Variants in FLOT2 observed in about 807,000 individuals in gnomAD.
The protein encoded by FLOT2 is flotillin-2.
FLOT2 carries 35 observed loss-of-function variants against 54.9 expected under a neutral mutation model. The observed-to-expected ratio is 0.64, with a 90% confidence interval of 0.49 to 0.84. The LOEUF is 0.84. Ranked by LOEUF, FLOT2 falls within the 40% of genes least tolerant of loss-of-function variation. FLOT2 has a pLI of 0.00. For missense variants in FLOT2, 464 were observed against 572.1 expected (o/e 0.81, Z 1.93); for synonymous variants, 207 against 228.9 (o/e 0.90, Z 0.86).
At position 28,880,307 on chromosome 17, in the gene FLOT2, GAA is replaced by G; in HGVS notation, c.*252_*253del. ...GGGGGAAAGAAAAAGACAGACAAAG[GAA>G]AAGACACGCAGGGAGATGAGACACA... On this transcript the variant is annotated 3_prime_UTR_variant, in exon 11 of 11. Coordinates refer to ENST00000394908, the MANE Select transcript of FLOT2 (RefSeq NM_004475.3). The G allele has an allele frequency of 7.3e-7, 1 of 1,368,910 alleles. No individual in the cohort carries two copies. The highest frequency in any genetic ancestry group is 9.4e-7 in the Non-Finnish European group (1 of 1,062,246). 84.8% of individuals were successfully genotyped at this position (1,368,910 alleles called of 1,614,324 possible).
At position 28,883,991 on chromosome 17, in the gene FLOT2, C is replaced by T. The variant is rs939596168; in HGVS notation, c.222+234G>A. The stretch of plus-strand genomic sequence containing the variant: ...AGCCCTCAGCACTGGTTCTGTCCCT[C>T]GTGGGCCCGCTGAGGAGAGAAGGGG... On this transcript the variant is annotated intron_variant, in intron 3 of 10. Coordinates refer to ENST00000394908, the MANE Select transcript of FLOT2 (RefSeq NM_004475.3). The surrounding 1 kb of genome is among the most constrained non-coding windows in gnomAD (Gnocchi z 5.0). 6.6e-6 allele frequency among the ~76,000 whole-genome samples: 1 copy of T among 152,200 alleles called. No homozygotes were observed. The highest frequency in any genetic ancestry group is 2.4e-5 in the African/African-American group (1 of 41,444).
At chr17:28,881,503 G>C in intron 8 of FLOT2, 128 bp from the exon 9 acceptor site, 1 of 1,018,458 alleles carries the variant, frequency 9.8e-7, no homozygotes, top group South Asian at 1.5e-5. Flanking sequence ...TTGGAACGGA[G>C]TGGGGTGGCC....
At chr17:28,880,898 G>C in intron 9 of FLOT2, 36 bp from the exon 10 acceptor site, 1 of 1,611,704 alleles carries the variant, frequency 6.2e-7, no homozygotes, top group Non-Finnish European at 8.5e-7. Flanking sequence ...CCTGGTTGGC[G>C]CTGACTCTGT....
intron 1 of FLOT2, chr17:28,893,130 C>T (rs954261147): frequency 1.3e-5 from 2 of 152,244 alleles, no homozygotes; most frequent in African/African-American, 2.4e-5. Flanking sequence ...TGCCAGCTTC[C>T]TGGTCACTCA....
At position 28,897,618 on chromosome 17, in the gene FLOT2, A is replaced by G. The variant is rs1302132820; in HGVS notation, c.-44T>C. 3 of 1,505,336 alleles carry G rather than the reference A, an allele frequency of 2.0e-6. No individual in the cohort carries two copies. Among genetic ancestry groups the G allele is most frequent in the South Asian group, 1.2e-5 (1 of 80,200 alleles). 93.2% of individuals were successfully genotyped at this position (1,505,336 alleles called of 1,614,324 possible). On this transcript the variant is annotated 5_prime_UTR_variant, in exon 1 of 11. Coordinates refer to ENST00000394908, the MANE Select transcript of FLOT2 (RefSeq NM_004475.3). The surrounding 1 kb of genome is among the most constrained non-coding windows in gnomAD (Gnocchi z 4.4). ...GGCCCTCGGGACCGCACAGACCCGGACAACAGCAGCGGGTCTGCAGCGCCG... is the reference window on the plus strand; with the variant it reads ...GGCCCTCGGGACCGCACAGACCCGGGCAACAGCAGCGGGTCTGCAGCGCCG...
In FLOT2 at chr17:28,880,422, A is replaced by G. The variant is rs921903627; in HGVS notation, c.*139T>C. On this transcript the variant is annotated 3_prime_UTR_variant, in exon 11 of 11. Transcript: ENST00000394908. ...AGGAGAGACAGGAAGACAGCCAGAG[A>G]TGGCCTGAACACGCAGCACTTCTGG... 4.6e-6 allele frequency: 7 copies of G among 1,506,568 alleles called. No homozygotes were observed. The African/African-American group carries it at 8.4e-5, about 18-fold the overall frequency. The allele number at this position is 1,506,568 out of a possible 1,614,324, so 93.3% of individuals were successfully genotyped here.
In FLOT2 at chr17:28,883,198, C is replaced by T. The variant is rs373654878; in HGVS notation, c.256G>A (p.Val86Met). The T allele has an allele frequency of 3.1e-5, 50 of 1,613,930 alleles. No individual in the cohort carries two copies. The highest frequency in any genetic ancestry group is 4.4e-5 in the South Asian group (4 of 91,094). ...KIMTEKELLAVACEQFLGKNV... is the reference protein window; with the variant it reads ...KIMTEKELLAMACEQFLGKNV... ...TTACCCAGAAACTGCTCACAAGCCA[C>T]GGCCAGGAGTTCCTTCTCCGTCATG... Residue 86 changes from valine (V) to methionine (M), a missense_variant, in exon 4 of 11, where the codon GTG becomes ATG. Physicochemically the swap from Val to Met is conservative, Grantham distance 21. Transcript: ENST00000394908. This position sits in a 1 kb window ranked among gnomAD's most constrained non-coding sequence, Gnocchi z 5.0.
Position 28,883,155 on chromosome 17 carries a change from T to C in FLOT2, c.299A>G (p.Lys100Arg), listed in dbSNP as rs1598090524. The change falls in exon 4 of 11, where the codon AAA (lysine) becomes AGA (arginine). Residue 100 changes from lysine (K) to arginine (R), a missense_variant. Coordinates refer to ENST00000394908, the MANE Select transcript of FLOT2 (RefSeq NM_004475.3). This position sits in a 1 kb window ranked among gnomAD's most constrained non-coding sequence, Gnocchi z 5.0. ...CTCCAGGGTCTGCAGGACGACGTTT[T>C]TGATGTCCTGCACATTCTTACCCAG... ...QFLGKNVQDI[K>R]NVVLQTLEGH... 4 of 1,613,956 alleles carry C rather than the reference T, an allele frequency of 2.5e-6. No homozygotes were observed. Among genetic ancestry groups the C allele is most frequent in the Non-Finnish European group, 3.4e-6 (4 of 1,180,002 alleles).
intron 1 of FLOT2, chr17:28,892,637 C>CAAT (rs1274104464): frequency 6.6e-6 from 1 of 151,546 alleles, no homozygotes; most frequent in Admixed American, 6.6e-5. Context: ...CCGTGCCCGG[C>CAAT]CCTAGATGGC....
In FLOT2 at chr17:28,883,280, A is replaced by G. The variant is rs1381810826; in HGVS notation, c.223-49T>C. ...TCAGCTAGGCTGGAGCGAGGCAGAC[A>G]AAGGCCCCAGACCCAGAGGTAGGCA... On this transcript the variant is annotated intron_variant, in intron 3 of 10. Coordinates refer to ENST00000394908, the MANE Select transcript of FLOT2 (RefSeq NM_004475.3). This position sits in a 1 kb window ranked among gnomAD's most constrained non-coding sequence, Gnocchi z 5.0. The G allele has an allele frequency of 1.2e-6, 2 of 1,611,008 alleles. No individual in the cohort carries two copies. Among genetic ancestry groups the G allele is most frequent in the Non-Finnish European group, 1.7e-6 (2 of 1,178,674 alleles).
Position 28,882,815 on chromosome 17 carries a change from G to T in FLOT2, c.347-124C>A. The stretch of plus-strand genomic sequence containing the variant: ...GCACTCTGAGCTGGGTCTTCCTGGG[G>T]TATCTTCTCAACAGCACTTAACACC... On this transcript the variant is annotated intron_variant, in intron 4 of 10. Transcript: ENST00000394908. This position sits in a 1 kb window ranked among gnomAD's most constrained non-coding sequence, Gnocchi z 5.6. The T allele has an allele frequency of 2.8e-6, 2 of 717,636 alleles. No homozygotes were observed. The highest frequency in any genetic ancestry group is 4.8e-6 in the Non-Finnish European group (2 of 413,634). The allele number at this position is 717,636 out of a possible 1,614,324, so 44.5% of individuals were successfully genotyped here. A position where few individuals can be genotyped will look rare whatever the true frequency, so the allele number is the denominator to read the frequency against.
In FLOT2 at chr17:28,884,300, A is replaced by G. The variant is rs2039505906; in HGVS notation, c.147T>C (p.Ile49=). ...ISDTQRISLE[I]MTLQPRCEDV... ...CCTCGCAGCGGGGCTGCAACGTCATAATCTCTAGGGAAATCCTGCCAAGAA... is the reference window on the plus strand; with the variant it reads ...CCTCGCAGCGGGGCTGCAACGTCATGATCTCTAGGGAAATCCTGCCAAGAA... The change falls in exon 3 of 11, where the codon ATT becomes ATC. Residue 49 remains isoleucine, a synonymous_variant. Transcript: ENST00000394908. The surrounding 1 kb of genome is among the most constrained non-coding windows in gnomAD (Gnocchi z 5.1). 2 of 1,611,204 alleles carry G rather than the reference A, an allele frequency of 1.2e-6. No individual in the cohort carries two copies. The highest frequency in any genetic ancestry group is 1.7e-6 in the Non-Finnish European group (2 of 1,178,402).
chr17:28,885,805 G>A (rs2039530790), intron 2 of FLOT2: 1 of 1,261,792 alleles, frequency 7.9e-7, no homozygotes, highest in South Asian at 1.3e-5. Context: ...AGGCCCCGCA[G>A]GGCAGGAAGA....
chr17:28,896,895 C>T (rs1469840257), intron 1 of FLOT2, among the ~76,000 whole-genome samples: 2 of 152,220 alleles, frequency 1.3e-5, no homozygotes, highest in Non-Finnish European at 2.9e-5. Context: ...ACCGCAGTCC[C>T]CATGCCCCAC....
At chr17:28,893,435 C>G (rs1190159675) in intron 1 of FLOT2, 1 of 134,476 alleles carries the variant, frequency 7.4e-6, no homozygotes, top group Non-Finnish European at 1.6e-5. Flanking sequence ...TTTTTTGAGA[C>G]AGTATTGTGC....
chr17:28,891,208 G>A (rs1429433773), intron 1 of FLOT2, among the ~76,000 whole-genome samples: 2 of 152,194 alleles, frequency 1.3e-5, no homozygotes, highest in African/African-American at 4.8e-5. Flanking sequence ...TGTTCACAAA[G>A]TTAGGTTTTC....
Position 28,879,666 on chromosome 17 carries a change from T to C in FLOT2, c.*895A>G, listed in dbSNP as rs1041050580. 1.0e-6 allele frequency: 1 copy of C among 985,920 alleles called. No individual in the cohort carries two copies. Among genetic ancestry groups the C allele is most frequent in the Non-Finnish European group, 1.2e-6 (1 of 830,092 alleles). 61.1% of individuals were successfully genotyped at this position (985,920 alleles called of 1,614,324 possible). On this transcript the variant is annotated 3_prime_UTR_variant, in exon 11 of 11. Transcript: ENST00000394908. The stretch of plus-strand genomic sequence containing the variant: ...CTACAGCACTCGATTCTGTACAGGG[T>C]TGGCACAGCCTTGTCCACCAGAAGG...
intron 1 of FLOT2, among the ~76,000 whole-genome samples, chr17:28,890,601 T>C (rs2039633086): frequency 6.6e-6 from 1 of 152,116 alleles, no homozygotes; most frequent in Admixed American, 6.6e-5. Context: ...TTAGCCAGGA[T>C]GGTCACGATC....
rs922558054 is a variant in FLOT2, at chr17:28,883,542, C to T, written c.223-311G>A. Among the ~76,000 whole-genome samples the T allele has an allele frequency of 5.3e-5, 8 of 152,012 alleles. No homozygotes were observed. The highest frequency in any genetic ancestry group is 1.0e-4 in the Non-Finnish European group (7 of 67,994). On this transcript the variant is annotated intron_variant, in intron 3 of 10. Coordinates refer to ENST00000394908, the MANE Select transcript of FLOT2 (RefSeq NM_004475.3). This position sits in a 1 kb window ranked among gnomAD's most constrained non-coding sequence, Gnocchi z 5.0. ...CAGCTAATTCCTCCCTTGCAGGCTT[C>T]CTACACGTGGGAGACCCTCAGGCTG... is the stretch of plus-strand genomic sequence containing the variant.
Sources: allele counts gnomAD v4.1 joint callset (sites outside exome capture counted in the v4.1 genomes callset), GRCh38; gene constraint gnomAD v4.1.1; non-coding constraint Gnocchi (gnomAD v3.1); transcripts MANE v1.5; gene names NCBI Gene and HGNC (gene_info 2026-07-23, HGNC 2026-07-21).